The following ARHGEF7 variants were observed in gnomAD, a reference collection of about 807,000 sequenced individuals.
ARHGEF7 encodes PAK-interacting exchange factor beta.
ARHGEF7 carries 33 observed loss-of-function variants against 109.8 expected under a neutral mutation model. The ratio of observed to expected loss-of-function variants is 0.30; its 90% CI spans 0.23 to 0.40. The LOEUF is 0.40. Ranked by LOEUF, ARHGEF7 falls within the 10% of genes least tolerant of loss-of-function variation. The pLI is 1.00. For synonymous variants in ARHGEF7, 458 were observed against 424.6 expected, an observed-to-expected ratio of 1.08 and a Z score of -0.97; for missense variants, 938 against 1,098.5, an observed-to-expected ratio of 0.85 and a Z score of 2.07.
At position 111,228,762 on chromosome 13, in the gene ARHGEF7, T is replaced by G. The variant is rs906219306; in HGVS notation, c.671-4443T>G. 1.3e-5 allele frequency among the ~76,000 whole-genome samples: 2 copies of G among 151,866 alleles called. No individual in the cohort carries two copies. Among genetic ancestry groups the G allele is most frequent in the African/African-American group, 4.8e-5 (2 of 41,366 alleles). ...ATTGACTCTGTGAACTCTGAGTGCGTGAGTAACAGCCAACAAACCACGCAC... is the reference window on the plus strand; with the variant it reads ...ATTGACTCTGTGAACTCTGAGTGCGGGAGTAACAGCCAACAAACCACGCAC... On this transcript the variant is annotated intron_variant, in intron 5 of 21. Transcript: ENST00000646102. The surrounding 1 kb of genome is among the most constrained non-coding windows in gnomAD (Gnocchi z 4.6).
At chr13:111,294,682 G>C in intron 19 of ARHGEF7, 3 of 985,420 alleles carry the variant, frequency 3.0e-6, no homozygotes, top group African/African-American at 1.7e-5. Flanking sequence ...GTGGCGATGT[G>C]GCATCCAGAG....
At chr13:111,205,150 G>A (rs1566813070) in intron 2 of ARHGEF7, 139 bp from the exon 3 acceptor site, 3 of 602,132 alleles carry the variant, frequency 5.0e-6, no homozygotes, top group African/African-American at 1.9e-5. Context: ...GAGACTGAGC[G>A]TGCTGGTCTC....
At chr13:111,147,047 G>C (rs1354994942) in intron 1 of ARHGEF7, among the ~76,000 whole-genome samples, 2 of 152,134 alleles carry the variant, frequency 1.3e-5, no homozygotes, top group Non-Finnish European at 2.9e-5. Flanking sequence ...CAGAGTTGTT[G>C]GTCACTTGAG....
At chr13:111,144,998 T>C (rs2153364064) in intron 1 of ARHGEF7, among the ~76,000 whole-genome samples, 1 of 152,010 alleles carries the variant, frequency 6.6e-6, no homozygotes, top group African/African-American at 2.4e-5. Context: ...GACAGCTCCA[T>C]GCATTTCTAA....
chr13:111,288,907 A>G (rs1393611015), intron 18 of ARHGEF7, among the ~76,000 whole-genome samples: 1 of 152,362 alleles, frequency 6.6e-6, no homozygotes. Flanking sequence ...TTTCTAAAAA[A>G]TAATTGCTTT....
intron 1 of ARHGEF7, among the ~76,000 whole-genome samples, chr13:111,129,767 C>T (rs998317976): frequency 6.6e-6 from 1 of 152,228 alleles, no homozygotes. Flanking sequence ...CTCTCATGCA[C>T]TGACAGTGGG....
In ARHGEF7 at chr13:111,243,920, C is replaced by G; in HGVS notation, c.808C>G (p.Gln270Glu). The stretch of plus-strand genomic sequence containing the variant: ...AGAAAATGAATATTCTAAAGAACTT[C>G]AGACTGTGCTTTCAACGTACCTACG... ...ETENEYSKEL[Q>E]TVLSTYLRPL... Residue 270 changes from glutamine to glutamate, a missense_variant, in exon 7 of 22, where the codon CAG (glutamine) becomes GAG (glutamate). By Grantham distance (29) the Gln-to-Glu change is conservative. Transcript: ENST00000646102. 6.2e-7 allele frequency: 1 copy of G among 1,613,306 alleles called. No individual in the cohort carries two copies. Among genetic ancestry groups the G allele is most frequent in the Non-Finnish European group, 8.5e-7 (1 of 1,179,446 alleles).
intron 2 of ARHGEF7, among the ~76,000 whole-genome samples, chr13:111,169,588 A>G (rs2077416088): frequency 6.6e-6 from 1 of 152,174 alleles, no homozygotes; most frequent in Non-Finnish European, 1.5e-5. Flanking sequence ...TGGGGATTAT[A>G]CTTCGACATG....
chr13:111,175,381 G>A (rs956353173), intron 2 of ARHGEF7, among the ~76,000 whole-genome samples: 1 of 152,234 alleles, frequency 6.6e-6, no homozygotes, highest in African/African-American at 2.4e-5. Flanking sequence ...GAGGGTGAGA[G>A]AGCAGGGCTG....
intron 2 of ARHGEF7, among the ~76,000 whole-genome samples, chr13:111,187,770 A>G (rs1192860251): frequency 2.0e-5 from 3 of 152,184 alleles, no homozygotes; most frequent in Non-Finnish European, 4.4e-5. Flanking sequence ...TCGAATCCCA[A>G]ACATTGGAGT....
intron 19 of ARHGEF7, among the ~76,000 whole-genome samples, chr13:111,299,910 T>C (rs1026408410): frequency 6.6e-6 from 1 of 152,226 alleles, no homozygotes; most frequent in Non-Finnish European, 1.5e-5. Flanking sequence ...TGATAGATTA[T>C]AGCCTTCTGA....
Position 111,244,252 on chromosome 13 carries a change from CT to C in ARHGEF7, c.911del (p.Phe304SerfsTer9). 6.2e-7 allele frequency: 1 copy of C among 1,609,792 alleles called. No individual in the cohort carries two copies. Among genetic ancestry groups the C allele is most frequent in the Non-Finnish European group, 8.5e-7 (1 of 1,178,670 alleles). ...YLMGNLEEICSFQQMLVQSLE... is the reference protein window; with the variant it reads ...YLMGNLEEICXFQQMLVQSLE... ...ATGGGAAATCTAGAAGAAATATGTT[CT>C]TTCCAGCAAATGCTCGTACAGTCTT... On this transcript the variant is annotated frameshift_variant, in exon 8 of 22. Transcript: ENST00000646102. LOFTEE classifies it high-confidence loss of function.
Position 111,277,628 on chromosome 13 carries a change from G to C in ARHGEF7, c.1461G>C (p.Leu487Phe). 1 of 1,608,326 alleles carries C rather than the reference G, an allele frequency of 6.2e-7. No individual in the cohort carries two copies. Among genetic ancestry groups the C allele is most frequent in the Non-Finnish European group, 8.5e-7 (1 of 1,175,182 alleles). ...ERYLLLFPNV[L>F]LMLSASPRMS... ...ATCTTCTACTCTTCCCAAATGTTTT[G>C]CTAATGTTGTCTGCCAGTCCTAGGA... Residue 487 changes from leucine to phenylalanine, a missense_variant, in exon 13 of 22, where the codon TTG (leucine) becomes TTC (phenylalanine). Around this residue, in one of 4 missense-constraint regions of ARHGEF7, gnomAD observed 585 missense variants for 723.6 expected, o/e 0.81. Coordinates refer to ENST00000646102, the MANE Select transcript of ARHGEF7 (RefSeq NM_001354046.2).
rs1566606803 is a variant in ARHGEF7 at position 111,133,791 on chromosome 13, ATATATATATATATATAT to A, written c.165+18101_165+18117del. On this transcript the variant is annotated intron_variant, in intron 1 of 21. Coordinates refer to ENST00000646102, the MANE Select transcript of ARHGEF7 (RefSeq NM_001354046.2). ...TATATATATATATATATATATATAT[ATATATATATATATATAT>A]ATATATTTATTATACTTTAAGTTCT... Among the ~76,000 whole-genome samples the A allele has an allele frequency of 9.9e-4, 102 of 102,884 alleles. 6 individuals are homozygous for A. Among genetic ancestry groups the A allele is most frequent in the Middle Eastern group, 4.3e-3 (1 of 232 alleles). 67.5% of individuals were successfully genotyped at this position (102,884 alleles called of 152,430 possible).
chr13:111,205,907 G>A (rs2081770522), intron 3 of ARHGEF7, among the ~76,000 whole-genome samples: 1 of 152,050 alleles, frequency 6.6e-6, no homozygotes, highest in Non-Finnish European at 1.5e-5. Context: ...TGGGGACATG[G>A]TGTGCCCCTC....
intron 21 of ARHGEF7, 130 bp from the exon 22 acceptor site, chr13:111,302,859 CAG>C: frequency 2.5e-6 from 3 of 1,189,508 alleles, no homozygotes; most frequent in Non-Finnish European, 3.5e-6. Context: ...CCCACGACCT[CAG>C]AGCCCATAGG....
chr13:111,133,959 C>A (rs558392316), intron 1 of ARHGEF7, among the ~76,000 whole-genome samples: 7 of 151,136 alleles, frequency 4.6e-5, no homozygotes, highest in African/African-American at 9.7e-5. Context: ...CTCCTCCCCC[C>A]ACCCCACAAC....
At chr13:111,143,553 C>G (rs1313551854) in intron 1 of ARHGEF7, 1 of 152,198 alleles carries the variant, frequency 6.6e-6, no homozygotes, top group African/African-American at 2.4e-5. Flanking sequence ...CAGTCTGTTT[C>G]CATTAGGTCA....
chr13:111,207,855 T>C (rs1211799171), intron 3 of ARHGEF7, among the ~76,000 whole-genome samples: 2 of 152,224 alleles, frequency 1.3e-5, no homozygotes, highest in East Asian at 1.9e-4. Context: ...CTTGGTATCA[T>C]TGGCTATGTG....
Sources: gnomAD v4.1 joint callset for allele counts (sites outside exome capture counted in the v4.1 genomes callset) on GRCh38, gnomAD v4.1.1 for gene constraint, gnomAD v4.1.1 regional missense constraint, Gnocchi (gnomAD v3.1) non-coding constraint, MANE v1.5 for transcripts, NCBI Gene and HGNC (gene_info 2026-07-23, HGNC 2026-07-21) for gene names.